BORCS5: variants seen among roughly 807,000 people sequenced by gnomAD.
BORCS5 encodes the protein BLOC-1-related complex subunit 5.
A neutral mutation model predicts 22.1 loss-of-function variants in BORCS5; 17 were observed. The observed-to-expected ratio is 0.77, with a 90% CI of 0.53 to 1.15. The LOEUF (loss-of-function observed/expected upper bound fraction) is 1.15. Among genes scored for constraint, BORCS5 ranks in the 50% most tolerant of loss-of-function variants. BORCS5 has a pLI of 0.00. For missense variants in BORCS5, 247 were observed against 253.2 expected, an observed-to-expected ratio of 0.98 and a Z score of 0.17; for synonymous variants, 117 against 99.8, an observed-to-expected ratio of 1.17 and a Z score of -1.03.
At chr12:12,359,302 T>TG (rs1863221203) in intron 1 of BORCS5, among the ~76,000 whole-genome samples, 1 of 151,316 alleles carries the variant, frequency 6.6e-6, no homozygotes, top group East Asian at 1.9e-4. Flanking sequence ...CAGGCCCAGG[T>TG]GGGAGGATTG....
At chr12:12,396,687 A>G (rs935444375) in intron 2 of BORCS5, among the ~76,000 whole-genome samples, 2 of 152,228 alleles carry the variant, frequency 1.3e-5, no homozygotes, top group Non-Finnish European at 2.9e-5. Flanking sequence ...GTCAAGGAAC[A>G]GTTCATCCTT....
chr12:12,395,670 G>A (rs886087979), intron 2 of BORCS5, among the ~76,000 whole-genome samples: 1 of 151,934 alleles, frequency 6.6e-6, no homozygotes, highest in Non-Finnish European at 1.5e-5. Flanking sequence ...ATAAGAACGT[G>A]ATTGTAGTTT....
At chr12:12,439,970 T>C (rs1435905899) in intron 3 of BORCS5, among the ~76,000 whole-genome samples, 2 of 152,198 alleles carry the variant, frequency 1.3e-5, no homozygotes, top group Non-Finnish European at 2.9e-5. Context: ...TCCAGATGTT[T>C]CCTGGAAATT....
intron 2 of BORCS5, among the ~76,000 whole-genome samples, chr12:12,363,021 C>T (rs1002996895): frequency 2.6e-5 from 4 of 151,948 alleles, no homozygotes; most frequent in Admixed American, 2.0e-4. Context: ...AATAGTAGGG[C>T]ATGGTGGCTC....
chr12:12,363,009 A>G (rs1863325712), intron 2 of BORCS5, among the ~76,000 whole-genome samples: 1 of 151,980 alleles, frequency 6.6e-6, no homozygotes, highest in Non-Finnish European at 1.5e-5. Flanking sequence ...AAAGAAGTTA[A>G]CAATAGTAGG....
intron 2 of BORCS5, among the ~76,000 whole-genome samples, chr12:12,371,079 A>T (rs2417181): frequency 0.21 from 32,115 of 151,916 alleles, 8,162 homozygotes; most frequent in African/African-American, 0.61. Flanking sequence ...TTCCCCTTAT[A>T]CTTTGAAAAT....
In BORCS5 at chr12:12,435,731, G is replaced by C. The variant is rs1435131960; in HGVS notation, c.306G>C (p.Gln102His). 3 of 1,613,962 alleles carry C rather than the reference G, an allele frequency of 1.9e-6. No individual in the cohort carries two copies. The highest frequency in any genetic ancestry group is 2.2e-5 in the East Asian group (1 of 44,896). ...LCLRYQDHLH[Q>H]CAEAVAFDQN... ...TCCGATATCAAGATCACCTGCATCA[G>C]TGTGCAGAGGCCGTTGCTTTTGACC... Residue 102 changes from glutamine to histidine, a missense_variant, in exon 3 of 4, where the codon CAG becomes CAC. By Grantham distance (24) the Gln-to-His change is conservative. Transcript: ENST00000314565.
chr12:12,412,967 A>G (rs1295844482), intron 2 of BORCS5, among the ~76,000 whole-genome samples: 1 of 125,640 alleles, frequency 8.0e-6, no homozygotes, highest in Non-Finnish European at 1.6e-5. Context: ...GGGATTTGGC[A>G]GGGTCATGGG....
chr12:12,400,089 G>A (rs964951350), intron 2 of BORCS5, among the ~76,000 whole-genome samples: 3 of 152,174 alleles, frequency 2.0e-5, no homozygotes, highest in African/African-American at 7.2e-5. Flanking sequence ...CCTTGGCTTC[G>A]CACCAAGGCT....
At chr12:12,372,405 C>A (rs1439918853) in intron 2 of BORCS5, among the ~76,000 whole-genome samples, 1 of 151,984 alleles carries the variant, frequency 6.6e-6, no homozygotes, top group Non-Finnish European at 1.5e-5. Context: ...AGTGCAGTGG[C>A]ACCACCGTGG....
intron 2 of BORCS5, among the ~76,000 whole-genome samples, chr12:12,402,632 A>C (rs1941504611): frequency 6.6e-6 from 1 of 152,184 alleles, no homozygotes; most frequent in South Asian, 2.1e-4. Flanking sequence ...TCATATAAGG[A>C]AATCTGCTCT....
intron 3 of BORCS5, among the ~76,000 whole-genome samples, chr12:12,448,982 C>T (rs957684970): frequency 1.2e-4 from 19 of 152,338 alleles, no homozygotes; most frequent in Non-Finnish European, 1.5e-4. Context: ...TAGGATGCAA[C>T]CACACTTTAA....
At chr12:12,463,297 C>T (rs1943145233) in intron 3 of BORCS5, among the ~76,000 whole-genome samples, 1 of 152,190 alleles carries the variant, frequency 6.6e-6, no homozygotes, top group Non-Finnish European at 1.5e-5. Flanking sequence ...TTTTACCATC[C>T]TTTTCCAGAT....
chr12:12,416,362 C>T (rs1285927432), intron 2 of BORCS5, among the ~76,000 whole-genome samples: 2 of 151,896 alleles, frequency 1.3e-5, no homozygotes, highest in Non-Finnish European at 2.9e-5. Flanking sequence ...TATCCTTCTG[C>T]TAACTTTGGG....
intron 2 of BORCS5, among the ~76,000 whole-genome samples, chr12:12,430,890 A>T (rs1942406823): frequency 6.6e-6 from 1 of 152,174 alleles, no homozygotes; most frequent in African/African-American, 2.4e-5. Context: ...TTTTCCATGT[A>T]AGTACATAGA....
At chr12:12,451,352 T>C (rs1224702957) in intron 3 of BORCS5, among the ~76,000 whole-genome samples, 3 of 152,160 alleles carry the variant, frequency 2.0e-5, no homozygotes, top group Non-Finnish European at 2.9e-5. Context: ...TATCTGGTTC[T>C]TTAACAATTG....
chr12:12,426,493 T>C (rs915228984), intron 2 of BORCS5, among the ~76,000 whole-genome samples: 1 of 152,234 alleles, frequency 6.6e-6, no homozygotes, highest in African/African-American at 2.4e-5. Flanking sequence ...GTGTCTACTT[T>C]TGGGTGTGAC....
At chr12:12,404,255 A>G (rs190306813) in intron 2 of BORCS5, among the ~76,000 whole-genome samples, 3 of 152,372 alleles carry the variant, frequency 2.0e-5, no homozygotes, top group African/African-American at 7.2e-5. Context: ...ATCTTTAGCC[A>G]AGGCCCAAGG....
At chr12:12,389,936 G>T (rs1357361708) in intron 2 of BORCS5, among the ~76,000 whole-genome samples, 1 of 152,058 alleles carries the variant, frequency 6.6e-6, no homozygotes, top group Admixed American at 6.6e-5. Context: ...GAGGCACTGC[G>T]CCTGGCCTCA....
Sources: allele counts gnomAD v4.1 joint callset (sites outside exome capture counted in the v4.1 genomes callset), GRCh38; gene constraint gnomAD v4.1.1; transcripts MANE v1.5; gene names NCBI Gene and HGNC (gene_info 2026-07-23, HGNC 2026-07-21).